Variants in ASTN2 observed in about 807,000 individuals in gnomAD.
ASTN2 encodes the protein astrotactin 2.
Under a neutral mutation model 139.8 loss-of-function variants are expected in ASTN2, and 54 were observed. The observed-to-expected ratio is 0.39, with a 90% confidence interval of 0.31 to 0.48. ASTN2 has a LOEUF of 0.48. Among genes scored for constraint, ASTN2 ranks in the 20% least tolerant of loss-of-function variants. The pLI is 0.95. For missense variants in ASTN2, 1,565 were observed against 1,725.1 expected, an observed-to-expected ratio of 0.91 and a Z score of 1.64; for synonymous variants, 756 against 719.5, an observed-to-expected ratio of 1.05 and a Z score of -0.81.
chr9:116,715,266 G>C (rs1353845724), intron 16 of ASTN2, among the ~76,000 whole-genome samples: 5 of 152,178 alleles, frequency 3.3e-5, no homozygotes, highest in Admixed American at 2.0e-4. Context: ...CAATGGAAGT[G>C]TCTCTAACTA....
intron 2 of ASTN2, among the ~76,000 whole-genome samples, chr9:117,274,202 T>A (rs571478970): frequency 7.2e-5 from 11 of 152,054 alleles, no homozygotes; most frequent in African/African-American, 2.7e-4. Flanking sequence ...TACAAAAAAA[T>A]AGCCGGACGT....
At chr9:117,301,532 C>T (rs574716067) in intron 1 of ASTN2, among the ~76,000 whole-genome samples, 5 of 152,188 alleles carry the variant, frequency 3.3e-5, no homozygotes, top group Non-Finnish European at 7.3e-5. Flanking sequence ...TACACTTTTC[C>T]AAACCCTGAT....
intron 1 of ASTN2, among the ~76,000 whole-genome samples, chr9:117,406,857 A>AAC (rs59125408): frequency 0.018 from 2,537 of 144,306 alleles, 30 homozygotes; most frequent in Middle Eastern, 0.035. Context: ...ATTGTCCCCT[A>AAC]ACACACACAC....
At chr9:117,029,265 T>C (rs1838181407) in intron 6 of ASTN2, among the ~76,000 whole-genome samples, 1 of 152,164 alleles carries the variant, frequency 6.6e-6, no homozygotes, top group South Asian at 2.1e-4. Flanking sequence ...AACTCTTCCG[T>C]AAACATTTCT....
chr9:117,194,600 T>A (rs569099931), intron 3 of ASTN2, among the ~76,000 whole-genome samples: 5 of 152,322 alleles, frequency 3.3e-5, no homozygotes, highest in African/African-American at 1.2e-4. Flanking sequence ...CTGTTCAACG[T>A]TGTGGATAAA....
intron 22 of ASTN2, among the ~76,000 whole-genome samples, chr9:116,426,865 TG>T (rs1847324474): frequency 6.6e-6 from 1 of 152,166 alleles, no homozygotes; most frequent in South Asian, 2.1e-4. Flanking sequence ...GCCTAATGCC[TG>T]GTATAGAGCT....
intron 16 of ASTN2, among the ~76,000 whole-genome samples, chr9:116,701,907 T>C (rs1300619119): frequency 6.6e-6 from 1 of 151,948 alleles, no homozygotes; most frequent in Non-Finnish European, 1.5e-5. Flanking sequence ...GCTTTGTTTT[T>C]TAAAGCAGCA....
At chr9:116,634,544 C>T (rs1482333272) in intron 17 of ASTN2, among the ~76,000 whole-genome samples, 2 of 145,898 alleles carry the variant, frequency 1.4e-5, no homozygotes, top group South Asian at 2.1e-4. Flanking sequence ...GAGCCGAGAT[C>T]GCGCCACTGC....
intron 20 of ASTN2, among the ~76,000 whole-genome samples, chr9:116,450,047 G>T (rs1352405365): frequency 6.6e-6 from 1 of 152,176 alleles, no homozygotes; most frequent in Admixed American, 6.5e-5. Context: ...ATTTTAAGCT[G>T]CTAAGTTTTG....
intron 5 of ASTN2, among the ~76,000 whole-genome samples, chr9:117,055,273 T>C (rs1839025571): frequency 6.6e-6 from 1 of 152,196 alleles, no homozygotes; most frequent in Admixed American, 6.5e-5. Context: ...GTGCTGGGGA[T>C]ATAGCAGGTA....
chr9:117,324,828 C>G (rs993284193), intron 1 of ASTN2, among the ~76,000 whole-genome samples: 1 of 152,046 alleles, frequency 6.6e-6, no homozygotes, highest in African/African-American at 2.4e-5. Context: ...CCATGGGTAG[C>G]CACTGCAGAG....
intron 19 of ASTN2, among the ~76,000 whole-genome samples, chr9:116,495,384 C>T (rs1055470535): frequency 3.9e-5 from 6 of 152,232 alleles, no homozygotes; most frequent in South Asian, 2.1e-4. Flanking sequence ...GGCATGTGAT[C>T]GATGGCCAGC....
intron 3 of ASTN2, among the ~76,000 whole-genome samples, chr9:117,206,697 A>T (rs1831936984): frequency 6.6e-6 from 1 of 151,654 alleles, no homozygotes; most frequent in Non-Finnish European, 1.5e-5. Flanking sequence ...AGAGAAACCA[A>T]CCCCCACTAC....
In ASTN2 at chr9:116,424,098, G is replaced by A. The variant is rs1332194316; in HGVS notation, c.*1753C>T. Among the ~76,000 whole-genome samples the A allele has an allele frequency of 2.0e-5, 3 of 152,120 alleles. No individual in the cohort carries two copies. The highest frequency in any genetic ancestry group is 7.2e-5 in the African/African-American group (3 of 41,420). On this transcript the variant is annotated 3_prime_UTR_variant, in exon 23 of 23. Coordinates refer to ENST00000313400, the MANE Select transcript of ASTN2 (RefSeq NM_001365068.1). ...AGGTAGCTTATTTGAGCTAATATGA[G>A]GGTGTTAAGAATTTATAACATCTCT...
At chr9:117,141,831 T>C (rs1588009287) in intron 3 of ASTN2, among the ~76,000 whole-genome samples, 1 of 152,150 alleles carries the variant, frequency 6.6e-6, no homozygotes, top group Non-Finnish European at 1.5e-5. Context: ...ATTCTAACAT[T>C]GTGCAATATT....
At chr9:117,040,688 A>G (rs1838538133) in intron 5 of ASTN2, among the ~76,000 whole-genome samples, 2 of 152,128 alleles carry the variant, frequency 1.3e-5, no homozygotes, top group Admixed American at 1.3e-4. Context: ...GGAACTCCTG[A>G]CCACAGGTGA....
chr9:116,916,131 T>C (rs1834439970), intron 10 of ASTN2, among the ~76,000 whole-genome samples: 1 of 152,174 alleles, frequency 6.6e-6, no homozygotes, highest in Non-Finnish European at 1.5e-5. Context: ...GGAAGTGTGG[T>C]GAGTCAAGAT....
chr9:117,187,714 T>C (rs1831238402), intron 3 of ASTN2, among the ~76,000 whole-genome samples: 1 of 152,178 alleles, frequency 6.6e-6, no homozygotes, highest in Admixed American at 6.5e-5. Context: ...CCTCACCAGA[T>C]GCAGCCCTCC....
intron 7 of ASTN2, among the ~76,000 whole-genome samples, chr9:116,977,715 CTT>C (rs386416041): frequency 0.45 from 54,794 of 121,854 alleles, 11,471 homozygotes; most frequent in South Asian, 0.62. Flanking sequence ...ATTTCTTTTT[CTT>C]TTTTTTTTTT....
Sources: allele counts gnomAD v4.1 joint callset (sites outside exome capture counted in the v4.1 genomes callset), GRCh38; gene constraint gnomAD v4.1.1; transcripts MANE v1.5; gene names NCBI Gene and HGNC (gene_info 2026-07-23, HGNC 2026-07-21).